PCDH9: variants seen among roughly 807,000 people sequenced by gnomAD.
PCDH9 encodes protocadherin-9.
In PCDH9, 24 loss-of-function variants were observed where a neutral mutation model predicts 70.6. The observed-to-expected ratio is 0.34, with a 90% CI of 0.25 to 0.48. The LOEUF is 0.48. PCDH9 is among the 20% of genes least tolerant of loss of function. The pLI is 0.99. For missense variants in PCDH9, 1,281 were observed against 1,503.6 expected, an observed-to-expected ratio of 0.85 and a Z score of 2.45; for synonymous variants, 562 against 558.5, an observed-to-expected ratio of 1.01 and a Z score of -0.09.
rs1955414478 is a variant in PCDH9, at chr13:66,303,952, C to T, written c.*703G>A. The T allele has an allele frequency of 6.6e-6, 1 of 151,928 alleles. No homozygotes were observed. The highest frequency in any genetic ancestry group is 2.4e-5 in the African/African-American group (1 of 41,324). The allele number at this position is 151,928 out of a possible 1,614,324, so 9.4% of individuals were successfully genotyped here. On this transcript the variant is annotated 3_prime_UTR_variant, in exon 5 of 5. Coordinates refer to ENST00000377865, the MANE Select transcript of PCDH9 (RefSeq NM_203487.3). The stretch of plus-strand genomic sequence containing the variant: ...TTGAGATTGTTTGAACAATGTGTGT[C>T]AAGACAGACTACTAACACAGAAACA...
intron 4 of PCDH9, among the ~76,000 whole-genome samples, chr13:66,515,758 T>C (rs1308320739): frequency 6.6e-6 from 1 of 152,052 alleles, no homozygotes; most frequent in African/African-American, 2.4e-5. Flanking sequence ...ATGAATTATG[T>C]AGAAGAATTG....
intron 4 of PCDH9, among the ~76,000 whole-genome samples, chr13:66,471,388 C>T (rs944805363): frequency 1.5e-4 from 23 of 151,954 alleles, no homozygotes; most frequent in African/African-American, 5.3e-4. Context: ...CTTTTTCTTT[C>T]GAAGATTACT....
At chr13:66,460,923 T>C (rs549271199) in intron 4 of PCDH9, among the ~76,000 whole-genome samples, 1 of 151,896 alleles carries the variant, frequency 6.6e-6, no homozygotes, top group Non-Finnish European at 1.5e-5. Flanking sequence ...TAAAAAATAA[T>C]ACTGATAAAA....
Position 66,510,349 on chromosome 13 carries a change from T to TTA in PCDH9, c.3340+120859_3340+120860dup, listed in dbSNP as rs199808074. On this transcript the variant is annotated intron_variant, in intron 4 of 4. Coordinates refer to ENST00000377865, the MANE Select transcript of PCDH9 (RefSeq NM_203487.3). ...TAGTATATTATGATTAAAAATACAT[T>TTA]TATATATATATATACATATTTTTTA... Among the ~76,000 whole-genome samples the TTA allele has an allele frequency of 7.1e-3, 1,067 of 150,750 alleles. 30 individuals are homozygous for TTA. The East Asian group carries it at 0.091, about 13-fold the overall frequency.
At chr13:66,657,740 C>T (rs2077951995) in intron 3 of PCDH9, among the ~76,000 whole-genome samples, 1 of 152,130 alleles carries the variant, frequency 6.6e-6, no homozygotes, top group Non-Finnish European at 1.5e-5. Context: ...GAACAACATC[C>T]TACACTCCTG....
chr13:66,972,008 T>G (rs1325058139), intron 2 of PCDH9, among the ~76,000 whole-genome samples: 2 of 151,922 alleles, frequency 1.3e-5, no homozygotes, highest in Non-Finnish European at 2.9e-5. Flanking sequence ...TTTAGGTATA[T>G]AACCTCCATC....
At chr13:66,448,314 T>A (rs149589672) in intron 4 of PCDH9, among the ~76,000 whole-genome samples, 2 of 152,340 alleles carry the variant, frequency 1.3e-5, no homozygotes, top group African/African-American at 4.8e-5. Flanking sequence ...GTTTGCTACC[T>A]GCAGTGGACG....
At chr13:66,890,380 C>A (rs1229660947) in intron 3 of PCDH9, among the ~76,000 whole-genome samples, 1 of 150,862 alleles carries the variant, frequency 6.6e-6, no homozygotes, top group African/African-American at 2.5e-5. Flanking sequence ...CTGACTAAGA[C>A]ACTCTTAACC....
intron 4 of PCDH9, among the ~76,000 whole-genome samples, chr13:66,432,226 T>C (rs1439455522): frequency 6.6e-6 from 1 of 152,014 alleles, no homozygotes; most frequent in Admixed American, 6.6e-5. Context: ...AGTGGAATAT[T>C]ATAGCACTTG....
At chr13:66,900,138 T>C (rs2082253882) in intron 3 of PCDH9, among the ~76,000 whole-genome samples, 1 of 151,930 alleles carries the variant, frequency 6.6e-6, no homozygotes. Flanking sequence ...GTTTGTTTGC[T>C]GTTACTTAGA....
chr13:67,030,304 G>A (rs1302495470), intron 2 of PCDH9, among the ~76,000 whole-genome samples: 2 of 152,122 alleles, frequency 1.3e-5, no homozygotes, highest in Non-Finnish European at 2.9e-5. Context: ...AGACACAGCA[G>A]TCCATTCTAG....
At chr13:66,618,598 CTTTAT>C (rs1249599828) in intron 4 of PCDH9, among the ~76,000 whole-genome samples, 2 of 151,964 alleles carry the variant, frequency 1.3e-5, no homozygotes, top group Middle Eastern at 3.4e-3. Flanking sequence ...TGTAATATAA[CTTTAT>C]TTTGAGGTAT....
chr13:66,325,763 G>C (rs186997062), intron 4 of PCDH9, among the ~76,000 whole-genome samples: 8 of 150,846 alleles, frequency 5.3e-5, no homozygotes, highest in Non-Finnish European at 8.8e-5. Flanking sequence ...TAAAGCTAAG[G>C]CTTCTGGTTG....
At chr13:66,870,903 A>G (rs1249899699) in intron 3 of PCDH9, among the ~76,000 whole-genome samples, 1 of 152,142 alleles carries the variant, frequency 6.6e-6, no homozygotes, top group Non-Finnish European at 1.5e-5. Context: ...TACCCAAAGG[A>G]CTATAAATCA....
At chr13:67,205,023 G>C (rs1267728035) in intron 2 of PCDH9, 3 of 152,124 alleles carry the variant, frequency 2.0e-5, no homozygotes, top group Non-Finnish European at 4.4e-5. Flanking sequence ...ATTAAAAAAT[G>C]CTTCTCTAAA....
At chr13:66,450,527 G>A (rs1361008156) in intron 4 of PCDH9, among the ~76,000 whole-genome samples, 2 of 152,182 alleles carry the variant, frequency 1.3e-5, no homozygotes, top group Non-Finnish European at 2.9e-5. Context: ...CTATTTCAAT[G>A]CAAACAGTGG....
chr13:66,414,020 C>CT (rs561971959), intron 4 of PCDH9, among the ~76,000 whole-genome samples: 260 of 151,152 alleles, frequency 1.7e-3, no homozygotes, highest in African/African-American at 5.0e-3. Context: ...AGAAAAGGGG[C>CT]TTTTTTTTCA....
intron 4 of PCDH9, among the ~76,000 whole-genome samples, chr13:66,346,949 G>A (rs1956220858): frequency 2.0e-5 from 3 of 152,266 alleles, no homozygotes; most frequent in Middle Eastern, 3.4e-3. Context: ...AAATACAAAT[G>A]CTAATTTCCC....
In PCDH9 at chr13:67,025,768, C is replaced by T. The variant is rs1047522200; in HGVS notation, c.3037-122163G>A. 7.2e-5 allele frequency among the ~76,000 whole-genome samples: 11 copies of T among 152,164 alleles called. No homozygotes were observed. In the East Asian group the frequency reaches 1.5e-3, roughly 21 times the overall value. On this transcript the variant is annotated intron_variant, in intron 2 of 4. Coordinates refer to ENST00000377865, the MANE Select transcript of PCDH9 (RefSeq NM_203487.3). ...ATCACAGGTATATCCACATGTCAAA[C>T]GTATCAAATTGCACTTTATATGCAC...
Sources: allele counts gnomAD v4.1 joint callset (sites outside exome capture counted in the v4.1 genomes callset), GRCh38; gene constraint gnomAD v4.1.1; transcripts MANE v1.5; gene names NCBI Gene and HGNC (gene_info 2026-07-23, HGNC 2026-07-21).